CSMD3: variants seen among roughly 807,000 people sequenced by gnomAD.
CSMD3 encodes CUB and Sushi multiple domains 3, also known as CUB and sushi domain-containing protein 3.
In CSMD3, 177 loss-of-function variants were observed where a neutral mutation model predicts 435.2. The ratio of observed to expected loss-of-function variants is 0.41; its 90% CI spans 0.36 to 0.46. CSMD3 has a LOEUF of 0.46. Among genes scored for constraint, CSMD3 ranks in the 20% least tolerant of loss-of-function variants. CSMD3 has a pLI of 0.34. For missense variants in CSMD3, 4,265 were observed against 4,504.6 expected (o/e 0.95, Z 1.52); for synonymous variants, 1,656 against 1,520.5 (o/e 1.09, Z -2.07).
chr8:112,431,284 A>G (rs138636061), intron 32 of CSMD3, among the ~76,000 whole-genome samples: 167 of 152,260 alleles, frequency 1.1e-3, no homozygotes, highest in Admixed American at 3.9e-3. Flanking sequence ...AATCAATTAT[A>G]CTTTTTGAAT....
At chr8:113,424,455 T>C (rs928175557) in intron 1 of CSMD3, among the ~76,000 whole-genome samples, 1 of 151,656 alleles carries the variant, frequency 6.6e-6, no homozygotes, top group African/African-American at 2.4e-5. Context: ...ATTTTCTTGC[T>C]TTTTTTAGGT....
At chr8:112,331,560 A>C (rs973577718) in intron 45 of CSMD3, among the ~76,000 whole-genome samples, 40 of 79,448 alleles carry the variant, frequency 5.0e-4, no homozygotes, top group African/African-American at 4.7e-3. Flanking sequence ...AGAAAAAAAC[A>C]TACATTTTTT....
intron 17 of CSMD3, among the ~76,000 whole-genome samples, chr8:112,664,153 C>T (rs1030551196): frequency 6.6e-5 from 10 of 151,872 alleles, no homozygotes; most frequent in African/African-American, 9.7e-5. Flanking sequence ...ACAAGAAATA[C>T]GAAAATTATG....
chr8:112,385,413 T>C (rs1013554232), intron 36 of CSMD3, among the ~76,000 whole-genome samples: 4 of 152,182 alleles, frequency 2.6e-5, no homozygotes, highest in Non-Finnish European at 5.9e-5. Context: ...AATAAAAAAC[T>C]AAACCCCAGC....
At chr8:113,131,714 A>C (rs539137692) in intron 4 of CSMD3, among the ~76,000 whole-genome samples, 40 of 152,250 alleles carry the variant, frequency 2.6e-4, no homozygotes, top group Non-Finnish European at 4.3e-4. Flanking sequence ...GAGAAAAGGG[A>C]CACTGTCTTC....
At chr8:112,259,144 G>A (rs764732838) in intron 61 of CSMD3, among the ~76,000 whole-genome samples, 1 of 151,992 alleles carries the variant, frequency 6.6e-6, no homozygotes. Flanking sequence ...ACAGGCAGAC[G>A]GATGTGAATA....
rs1834628304 is a variant in CSMD3, at chr8:112,627,964, A to G, written c.3715+8853T>C. ...AATCATCCTTATTCATGTGCCAGCT[A>G]CAGTATAATAAAATAAATTCAGATA... is the stretch of plus-strand genomic sequence containing the variant. On this transcript the variant is annotated intron_variant, in intron 22 of 70. Coordinates refer to ENST00000297405, the MANE Select transcript of CSMD3 (RefSeq NM_198123.2). 2.6e-5 allele frequency among the ~76,000 whole-genome samples: 4 copies of G among 152,176 alleles called. No homozygotes were observed. In the South Asian group the frequency reaches 6.2e-4, roughly 24 times the overall value.
chr8:112,381,483 C>T (rs1312394788), intron 37 of CSMD3, among the ~76,000 whole-genome samples: 2 of 152,198 alleles, frequency 1.3e-5, no homozygotes, highest in Non-Finnish European at 2.9e-5. Flanking sequence ...GCTAATTCTA[C>T]ATCTTAAGAC....
chr8:112,926,186 A>G (rs2082903279), intron 9 of CSMD3, among the ~76,000 whole-genome samples: 2 of 152,146 alleles, frequency 1.3e-5, no homozygotes, highest in Non-Finnish European at 2.9e-5. Context: ...CTTTCACTGT[A>G]TTAACTGTTT....
At chr8:112,332,205 T>C (rs1371434276) in intron 45 of CSMD3, among the ~76,000 whole-genome samples, 2 of 152,136 alleles carry the variant, frequency 1.3e-5, no homozygotes, top group Non-Finnish European at 2.9e-5. Flanking sequence ...TATAAAATAA[T>C]ACACCATATT....
chr8:112,433,972 G>A (rs899938901), intron 32 of CSMD3, among the ~76,000 whole-genome samples: 8 of 151,984 alleles, frequency 5.3e-5, no homozygotes, highest in Non-Finnish European at 8.8e-5. Context: ...TAGCTATTTT[G>A]TTTTTTCAGT....
intron 38 of CSMD3, among the ~76,000 whole-genome samples, chr8:112,363,681 G>T (rs1233300372): frequency 1.3e-5 from 2 of 151,830 alleles, no homozygotes; most frequent in Admixed American, 1.3e-4. Flanking sequence ...CATCACAAAG[G>T]GGTGAAAAAT....
In CSMD3 at chr8:112,301,784, AATCTGTACCTAGGC is replaced by A; in HGVS notation, c.8435_8440+8del. 1 of 1,612,168 alleles carries A rather than the reference AATCTGTACCTAGGC, an allele frequency of 6.2e-7. No homozygotes were observed. Among genetic ancestry groups the A allele is most frequent in the Non-Finnish European group, 8.5e-7 (1 of 1,178,370 alleles). On this transcript the variant is annotated splice_donor_variant and splice_donor_5th_base_variant and coding_sequence_variant and intron_variant, in exon 53 of 71. Transcript: ENST00000297405. LOFTEE classifies it high-confidence loss of function. The stretch of plus-strand genomic sequence containing the variant: ...GGAAGTTTGACAAAAACAAATTAAA[AATCTGTACCTAGGC>A]ATCTGGTTTCAGATTCACTCCAAAG...
chr8:113,085,461 A>G (rs2089728363), intron 5 of CSMD3, among the ~76,000 whole-genome samples: 1 of 152,194 alleles, frequency 6.6e-6, no homozygotes, highest in Admixed American at 6.5e-5. Context: ...AAGTATATCA[A>G]ACAGATATCT....
At chr8:112,980,480 C>G (rs1170921361) in intron 6 of CSMD3, among the ~76,000 whole-genome samples, 1 of 150,980 alleles carries the variant, frequency 6.6e-6, no homozygotes, top group Admixed American at 6.6e-5. Context: ...AAGTAAAATG[C>G]CATAAATGTT....
At chr8:113,246,114 A>G (rs750268336) in intron 3 of CSMD3, among the ~76,000 whole-genome samples, 1 of 151,880 alleles carries the variant, frequency 6.6e-6, no homozygotes, top group Non-Finnish European at 1.5e-5. Flanking sequence ...ATAGATTAAG[A>G]TTCTTAATAG....
chr8:112,398,666 G>C (rs1294388465), intron 35 of CSMD3, among the ~76,000 whole-genome samples: 1 of 152,172 alleles, frequency 6.6e-6, no homozygotes, highest in East Asian at 1.9e-4. Context: ...GCATGAATCA[G>C]AGCCTGAGGT....
Position 113,045,964 on chromosome 8 carries a change from G to C in CSMD3, c.918-26785C>G, listed in dbSNP as rs560194438. On this transcript the variant is annotated intron_variant, in intron 5 of 70. Coordinates refer to ENST00000297405, the MANE Select transcript of CSMD3 (RefSeq NM_198123.2). ...CAAAATATCTGGGAAATTTGTAAAC[G>C]ACCCTTTTTACTTTTGCCTGCCTTT... Among the ~76,000 whole-genome samples, 208 of 149,240 alleles carry C rather than the reference G, an allele frequency of 1.4e-3. 22 individuals carry two copies. The highest frequency in any genetic ancestry group is 2.5e-3 in the Non-Finnish European group (163 of 66,304).
intron 4 of CSMD3, among the ~76,000 whole-genome samples, chr8:113,100,604 GA>G (rs565663809): frequency 3.7e-4 from 56 of 151,968 alleles, no homozygotes; most frequent in African/African-American, 1.3e-3. Flanking sequence ...TCAGATTAAA[GA>G]AAAAAATCCC....
Sources: allele counts gnomAD v4.1 joint callset (sites outside exome capture counted in the v4.1 genomes callset), GRCh38; gene constraint gnomAD v4.1.1; transcripts MANE v1.5; gene names NCBI Gene and HGNC (gene_info 2026-07-23, HGNC 2026-07-21).